TRPM3: variants seen among roughly 807,000 people sequenced by gnomAD.
The protein encoded by TRPM3 is transient receptor potential cation channel subfamily M member 3, also known as long transient receptor potential channel 3.
TRPM3 carries 77 observed loss-of-function variants against 181.2 expected under a neutral mutation model. That is an observed-to-expected ratio of 0.42 (90% CI 0.35 to 0.51). TRPM3 has a LOEUF of 0.51. Among genes scored for constraint, TRPM3 ranks in the 20% least tolerant of loss-of-function variants. The pLI, the probability that TRPM3 is intolerant of heterozygous loss-of-function variation, is 0.01. For missense variants in TRPM3, 1,759 were observed against 2,196.7 expected (o/e 0.80, Z 3.98); for synonymous variants, 745 against 796.4 (o/e 0.94, Z 1.09).
chr9:71,061,357 T>C (rs1226541854), intron 1 of TRPM3, among the ~76,000 whole-genome samples: 1 of 152,108 alleles, frequency 6.6e-6, no homozygotes, highest in Non-Finnish European at 1.5e-5. Flanking sequence ...CAGTTGCACA[T>C]GGGGTTTGTG....
At chr9:70,865,268 AT>A (rs754967850) in intron 1 of TRPM3, 3 of 151,952 alleles carry the variant, frequency 2.0e-5, no homozygotes, top group African/African-American at 4.8e-5. Context: ...TGGACAAAGG[AT>A]GTCTCGGAAA....
At chr9:71,064,457 A>G (rs2061677693) in intron 1 of TRPM3, among the ~76,000 whole-genome samples, 1 of 151,816 alleles carries the variant, frequency 6.6e-6, no homozygotes. Context: ...TACTTAATAG[A>G]GAGTTTTCAG....
In TRPM3 at chr9:70,610,664, C is replaced by T. The variant is rs1239022631; in HGVS notation, c.2612G>A (p.Gly871Asp). Residue 871 changes from glycine to aspartate, a missense_variant, in exon 19 of 26, where the codon GGC becomes GAC. By Grantham distance (94) the Gly-to-Asp change is moderately conservative (BLOSUM62 -1). Coordinates refer to ENST00000677713, the MANE Select transcript of TRPM3 (RefSeq NM_001366145.2). ...VQSKHRLIPL[G>D]RKIYEFYNAP... is the part of the protein sequence containing the mutation. ...ATTGTAGAATTCATAGATTTTTCTGCCGAGGGGGATTAACCGGTGCTTGCT... is the reference window on the plus strand; with the variant it reads ...ATTGTAGAATTCATAGATTTTTCTGTCGAGGGGGATTAACCGGTGCTTGCT... The T allele has an allele frequency of 6.2e-7, 1 of 1,614,132 alleles. No homozygotes were observed.
intron 1 of TRPM3, among the ~76,000 whole-genome samples, chr9:70,931,992 A>AG (rs2096779719): frequency 6.6e-6 from 1 of 152,186 alleles, no homozygotes; most frequent in Non-Finnish European, 1.5e-5. Flanking sequence ...CATTCTTGGA[A>AG]GGTACAGGAC....
intron 1 of TRPM3, among the ~76,000 whole-genome samples, chr9:71,004,235 C>T (rs1427427842): frequency 1.3e-5 from 2 of 152,184 alleles, no homozygotes; most frequent in Non-Finnish European, 2.9e-5. Flanking sequence ...GGCTCAAATC[C>T]CTGGCTGAAT....
At position 70,775,747 on chromosome 9, in the gene TRPM3, T is replaced by C. The variant is rs1359338439; in HGVS notation, c.1148+8358A>G. ...AATTACCTGACCTCAACCAGATTTA[T>C]TGAATTAGAAAATCTGGGGGTGGAG... On this transcript the variant is annotated intron_variant, in intron 7 of 25. Coordinates refer to ENST00000677713, the MANE Select transcript of TRPM3 (RefSeq NM_001366145.2). 3.3e-5 allele frequency: 5 copies of C among 152,086 alleles called. No individual in the cohort carries two copies. The East Asian group carries it at 9.6e-4, about 29-fold the overall frequency. The allele number at this position is 152,086 out of a possible 1,614,324, so 9.4% of individuals were successfully genotyped here.
At chr9:70,968,623 G>A (rs7863158) in intron 1 of TRPM3, among the ~76,000 whole-genome samples, 41,787 of 152,020 alleles carry the variant, frequency 0.27, 5,762 homozygotes, top group Admixed American at 0.3. Flanking sequence ...CTGTGAAATT[G>A]TTGTACTGGC....
chr9:70,783,141 G>A (rs1046593397), intron 7 of TRPM3, among the ~76,000 whole-genome samples: 1 of 152,150 alleles, frequency 6.6e-6, no homozygotes. Context: ...CATCTTGAGA[G>A]TGGCAATTAA....
chr9:71,156,089 A>C (rs977921192), intron 1 of TRPM3, among the ~76,000 whole-genome samples: 12 of 152,076 alleles, frequency 7.9e-5, no homozygotes, highest in African/African-American at 2.9e-4. Context: ...ATCACTCTAA[A>C]TTAATCTATA....
intron 1 of TRPM3, among the ~76,000 whole-genome samples, chr9:70,932,288 T>A (rs1185483376): frequency 6.6e-6 from 1 of 152,062 alleles, no homozygotes; most frequent in Non-Finnish European, 1.5e-5. Context: ...AAGAGGGCCT[T>A]CGTAAACAGT....
chr9:71,290,845 A>C (rs560504484), intron 1 of TRPM3, among the ~76,000 whole-genome samples: 3 of 150,456 alleles, frequency 2.0e-5, no homozygotes, highest in Non-Finnish European at 4.5e-5. Context: ...TAAAAGAATG[A>C]CATAAGTGTA....
chr9:70,615,677 A>G (rs1373081460), intron 18 of TRPM3, among the ~76,000 whole-genome samples: 2 of 152,216 alleles, frequency 1.3e-5, no homozygotes, highest in African/African-American at 4.8e-5. Context: ...TTTGTCCTGC[A>G]CCACTAGCTG....
intron 6 of TRPM3, among the ~76,000 whole-genome samples, chr9:70,795,541 A>G (rs991325489): frequency 1.3e-5 from 2 of 152,212 alleles, no homozygotes; most frequent in Non-Finnish European, 2.9e-5. Flanking sequence ...AATATGCCAA[A>G]TTATCCAATT....
intron 1 of TRPM3, among the ~76,000 whole-genome samples, chr9:70,951,473 C>T (rs1363458582): frequency 6.6e-6 from 1 of 152,140 alleles, no homozygotes; most frequent in Non-Finnish European, 1.5e-5. Context: ...TCCCAAGTAG[C>T]TGGGACTACA....
intron 1 of TRPM3, among the ~76,000 whole-genome samples, chr9:71,055,283 T>C (rs2060529870): frequency 6.6e-6 from 1 of 151,934 alleles, no homozygotes; most frequent in Non-Finnish European, 1.5e-5. Flanking sequence ...TGGGTAAGAG[T>C]TAGTAGAAAC....
chr9:71,199,777 G>C (rs1025264494), intron 1 of TRPM3, among the ~76,000 whole-genome samples: 1 of 149,760 alleles, frequency 6.7e-6, no homozygotes, highest in African/African-American at 2.4e-5. Flanking sequence ...TTCTTTATTA[G>C]TCTTGCTAGC....
At chr9:71,191,831 G>C (rs7860967) in intron 1 of TRPM3, among the ~76,000 whole-genome samples, 63,896 of 149,692 alleles carry the variant, frequency 0.43, 14,040 homozygotes, top group East Asian at 0.52. Flanking sequence ...TCAGAAAACT[G>C]AAGTGTGACT....
intron 1 of TRPM3, among the ~76,000 whole-genome samples, chr9:71,391,607 A>G (rs1023579869): frequency 1.9e-4 from 29 of 152,114 alleles, no homozygotes; most frequent in African/African-American, 7.0e-4. Context: ...AAATAAACAA[A>G]TATTTAGCTA....
intron 1 of TRPM3, among the ~76,000 whole-genome samples, chr9:70,924,373 C>T (rs1160118160): frequency 6.6e-6 from 1 of 152,032 alleles, no homozygotes; most frequent in Non-Finnish European, 1.5e-5. Flanking sequence ...TTCTTCATAT[C>T]ATTATTCTTC....
Sources: gnomAD v4.1 joint callset for allele counts (sites outside exome capture counted in the v4.1 genomes callset) on GRCh38, gnomAD v4.1.1 for gene constraint, MANE v1.5 for transcripts, NCBI Gene and HGNC (gene_info 2026-07-23, HGNC 2026-07-21) for gene names.